The following SOBP variants were observed in gnomAD, a reference collection of about 807,000 sequenced individuals.
The protein encoded by SOBP is sine oculis binding protein homolog.
Under a neutral mutation model 53.6 loss-of-function variants are expected in SOBP, and 4 were observed. The ratio of observed to expected loss-of-function variants is 0.07; its 90% CI spans 0.04 to 0.17. SOBP has a LOEUF of 0.17. Ranked by LOEUF, SOBP falls within the 10% of genes least tolerant of loss-of-function variation. The pLI, the probability that SOBP is intolerant of heterozygous loss-of-function variation, is 1.00. For missense variants in SOBP, 1,088 were observed against 1,204.7 expected, an observed-to-expected ratio of 0.90 and a Z score of 1.43; for synonymous variants, 584 against 522.6, an observed-to-expected ratio of 1.12 and a Z score of -1.60.
chr6:107,546,868 T>C (rs1485415557), intron 4 of SOBP, among the ~76,000 whole-genome samples: 1 of 152,180 alleles, frequency 6.6e-6, no homozygotes, highest in Admixed American at 6.5e-5. Flanking sequence ...GGCTGACTCC[T>C]CCTGAAGAGA....
At chr6:107,490,822 A>G in intron 1 of SOBP, 110 bp downstream of exon 1, 4 of 818,670 alleles carry the variant, frequency 4.9e-6, no homozygotes, top group Non-Finnish European at 8.2e-6. Context: ...CAGTTTCTGT[A>G]GGATGCCCAG....
chr6:107,537,476 A>C (rs1269866457), intron 4 of SOBP, among the ~76,000 whole-genome samples: 3 of 152,224 alleles, frequency 2.0e-5, no homozygotes, highest in Non-Finnish European at 4.4e-5. Flanking sequence ...TTTACAAGTA[A>C]ACACAAATTC....
intron 6 of SOBP, among the ~76,000 whole-genome samples, chr6:107,657,705 C>T (rs1183209395): frequency 2.6e-5 from 4 of 151,948 alleles, no homozygotes; most frequent in Admixed American, 6.6e-5. Flanking sequence ...GGGCTGGATG[C>T]GGTGGTTCAT....
intron 4 of SOBP, 64 bp from the exon 5 acceptor site, chr6:107,587,016 C>T: frequency 8.0e-7 from 1 of 1,248,424 alleles, no homozygotes; most frequent in East Asian, 2.3e-5. Flanking sequence ...AGCTGTTATG[C>T]TTTTTAGCTT....
chr6:107,505,674 G>A (rs181117615), intron 2 of SOBP, among the ~76,000 whole-genome samples: 4 of 144,922 alleles, frequency 2.8e-5, no homozygotes, highest in South Asian at 2.2e-4. Context: ...TTTTTGAGAT[G>A]GAGTCTTGCT....
chr6:107,567,356 C>G (rs1039771900), intron 4 of SOBP, among the ~76,000 whole-genome samples: 1 of 147,022 alleles, frequency 6.8e-6, no homozygotes, highest in East Asian at 2.1e-4. Flanking sequence ...ATCCCATGTC[C>G]TTCTGACCAC....
At chr6:107,633,378 T>G in intron 5 of SOBP, 136 bp from the exon 6 acceptor site, 3 of 1,114,236 alleles carry the variant, frequency 2.7e-6, no homozygotes, top group Non-Finnish European at 4.1e-6. Flanking sequence ...AATTTTACCT[T>G]TTAGAAGGAA....
At position 107,503,806 on chromosome 6, in the gene SOBP, T is replaced by G. The variant is rs1180846451; in HGVS notation, c.235+11T>G. The G allele has an allele frequency of 6.2e-7, 1 of 1,613,642 alleles. No homozygotes were observed. The highest frequency in any genetic ancestry group is 8.5e-7 in the Non-Finnish European group (1 of 1,179,994). Reference sequence around the variant, plus strand: ...TTTCTGTTCTCAAAGGTAATGACATTTAATGTCCTTTTGTTCATGCAAAGA... The same window carrying G: ...TTTCTGTTCTCAAAGGTAATGACATGTAATGTCCTTTTGTTCATGCAAAGA... On this transcript the variant is annotated intron_variant, in intron 2 of 6. Coordinates refer to ENST00000317357, the MANE Select transcript of SOBP (RefSeq NM_018013.4).
intron 4 of SOBP, among the ~76,000 whole-genome samples, chr6:107,565,179 C>T (rs1269754013): frequency 2.0e-5 from 3 of 152,130 alleles, no homozygotes; most frequent in African/African-American, 7.2e-5. Flanking sequence ...AAGAGATGGC[C>T]AAGAAATCAT....
At chr6:107,622,022 A>G (rs1369287181) in intron 5 of SOBP, among the ~76,000 whole-genome samples, 1 of 152,214 alleles carries the variant, frequency 6.6e-6, no homozygotes, top group African/African-American at 2.4e-5. Flanking sequence ...AACAGAATAA[A>G]GGGTAAGTAA....
intron 4 of SOBP, among the ~76,000 whole-genome samples, chr6:107,574,663 A>G (rs991027398): frequency 1.3e-5 from 2 of 152,068 alleles, no homozygotes; most frequent in African/African-American, 4.8e-5. Flanking sequence ...CTCCTATTTC[A>G]TCTGCAGCCA....
intron 1 of SOBP, 149 bp downstream of exon 1, chr6:107,490,861 A>G: frequency 1.5e-6 from 1 of 657,160 alleles, no homozygotes; most frequent in Non-Finnish European, 2.7e-6. Flanking sequence ...CCAGGTGTAA[A>G]GCAGAGGCCA....
intron 5 of SOBP, among the ~76,000 whole-genome samples, chr6:107,594,742 T>C (rs1785882276): frequency 6.6e-6 from 1 of 152,254 alleles, no homozygotes; most frequent in Non-Finnish European, 1.5e-5. Flanking sequence ...TCTGTCTGTA[T>C]AGACCCCTTT....
At position 107,635,280 on chromosome 6, in the gene SOBP, G is replaced by C. The variant is rs1770983363; in HGVS notation, c.2436G>C (p.Glu812Asp). 2 of 1,613,874 alleles carry C rather than the reference G, an allele frequency of 1.2e-6. No homozygotes were observed. Among genetic ancestry groups the C allele is most frequent in the African/African-American group, 2.7e-5 (2 of 75,034 alleles). ...SDPNLNNPAD[E>D]DHAYALRMLP... ...CGAACCTTAATAACCCCGCGGACGA[G>C]GACCATGCCTATGCTCTGCGGATGC... The change falls in exon 6 of 7, where the codon GAG (glutamate) becomes GAC (aspartate). Residue 812 changes from glutamate to aspartate, a missense_variant. This residue lies in a region of SOBP where 665 missense variants were observed against 629.7 expected (regional missense o/e 1.06). Coordinates refer to ENST00000317357, the MANE Select transcript of SOBP (RefSeq NM_018013.4). The surrounding 1 kb of genome is among the most constrained non-coding windows in gnomAD (Gnocchi z 4.5).
chr6:107,490,577 C>A lies in SOBP; in HGVS notation c.-40C>A. 6.7e-7 allele frequency: 1 copy of A among 1,498,214 alleles called. No homozygotes were observed. The highest frequency in any genetic ancestry group is 9.1e-7 in the Non-Finnish European group (1 of 1,093,206). The allele number at this position is 1,498,214 out of a possible 1,614,324, so 92.8% of individuals were successfully genotyped here. ...CCGCCACCACCACCGCCGGCGGCGGCAGCAGCCATTTCATCTCCACAGAAA... is the reference window on the plus strand; with the variant it reads ...CCGCCACCACCACCGCCGGCGGCGGAAGCAGCCATTTCATCTCCACAGAAA... On this transcript the variant is annotated 5_prime_UTR_variant, in exon 1 of 7. Coordinates refer to ENST00000317357, the MANE Select transcript of SOBP (RefSeq NM_018013.4).
At chr6:107,602,176 A>T (rs866034272) in intron 5 of SOBP, among the ~76,000 whole-genome samples, 1 of 152,218 alleles carries the variant, frequency 6.6e-6, no homozygotes, top group Admixed American at 6.5e-5. Context: ...ATATAGAGAA[A>T]GGGTAAAAGA....
chr6:107,545,332 A>C (rs551814938), intron 4 of SOBP, among the ~76,000 whole-genome samples: 3 of 152,328 alleles, frequency 2.0e-5, no homozygotes, highest in Admixed American at 2.0e-4. Context: ...GATGAATTCC[A>C]GGACAGAGAA....
chr6:107,572,894 A>G (rs538530593), intron 4 of SOBP, among the ~76,000 whole-genome samples: 24 of 152,302 alleles, frequency 1.6e-4, no homozygotes, highest in African/African-American at 3.6e-4. Context: ...AATAACACTA[A>G]AATCATAGTT....
chr6:107,606,693 G>A (rs976587269), intron 5 of SOBP, among the ~76,000 whole-genome samples: 3 of 152,190 alleles, frequency 2.0e-5, no homozygotes, highest in Non-Finnish European at 4.4e-5. Flanking sequence ...AGGTCTGGGT[G>A]GGGGATAGGG....
Sources: allele counts gnomAD v4.1 joint callset (sites outside exome capture counted in the v4.1 genomes callset), GRCh38; gene constraint gnomAD v4.1.1; regional missense constraint gnomAD v4.1.1; non-coding constraint Gnocchi (gnomAD v3.1); transcripts MANE v1.5; gene names NCBI Gene and HGNC (gene_info 2026-07-23, HGNC 2026-07-21).